The following AGPAT3 variants were observed in gnomAD, a reference collection of about 807,000 sequenced individuals.
The protein encoded by AGPAT3 is 1-acylglycerol-3-phosphate O-acyltransferase 3, also known as 1-acyl-sn-glycerol-3-phosphate acyltransferase gamma.
A neutral mutation model predicts 47.3 loss-of-function variants in AGPAT3; 5 were observed. The ratio of observed to expected loss-of-function variants is 0.11; its 90% CI spans 0.06 to 0.22. The LOEUF (loss-of-function observed/expected upper bound fraction) is 0.22. Among genes scored for constraint, AGPAT3 ranks in the 10% least tolerant of loss-of-function variants. The pLI is 1.00. For missense variants in AGPAT3, 315 were observed against 493.0 expected, an observed-to-expected ratio of 0.64 and a Z score of 3.42; for synonymous variants, 212 against 208.3, an observed-to-expected ratio of 1.02 and a Z score of -0.15.
intron 3 of AGPAT3, among the ~76,000 whole-genome samples, chr21:43,960,281 G>A (rs1454822483): frequency 2.0e-5 from 3 of 152,228 alleles, no homozygotes; most frequent in Admixed American, 2.0e-4. Context: ...CTGCCTCCCT[G>A]CGTATCAAAC....
At chr21:43,878,786 G>T (rs185935725) in intron 1 of AGPAT3, among the ~76,000 whole-genome samples, 17 of 150,872 alleles carry the variant, frequency 1.1e-4, no homozygotes, top group Admixed American at 2.6e-4. Flanking sequence ...CCAGACGGGA[G>T]TGCAGTGGTG....
At chr21:43,974,494 GGT>G (rs367745751) in intron 7 of AGPAT3, among the ~76,000 whole-genome samples, 290 of 151,302 alleles carry the variant, frequency 1.9e-3, no homozygotes, top group African/African-American at 5.2e-3. Flanking sequence ...GGGTGGGTTT[GGT>G]GTGTGGGGTA....
chr21:43,893,232 T>G (rs2086139450), intron 1 of AGPAT3, among the ~76,000 whole-genome samples: 1 of 152,244 alleles, frequency 6.6e-6, no homozygotes, highest in Non-Finnish European at 1.5e-5. Flanking sequence ...AGATGTGGCT[T>G]CTTTTCTTAA....
At chr21:43,953,405 C>T (rs1601406628) in intron 2 of AGPAT3, among the ~76,000 whole-genome samples, 2 of 152,278 alleles carry the variant, frequency 1.3e-5, no homozygotes, top group East Asian at 1.9e-4. Context: ...GAGATGTGGA[C>T]GGACATGGAG....
At chr21:43,975,707 T>G (rs1003713556) in intron 7 of AGPAT3, among the ~76,000 whole-genome samples, 1 of 152,250 alleles carries the variant, frequency 6.6e-6, no homozygotes, top group Non-Finnish European at 1.5e-5. Flanking sequence ...TTCCTACCTG[T>G]GTATCTTAAT....
chr21:43,905,835 C>T (rs1167514795), intron 2 of AGPAT3, among the ~76,000 whole-genome samples: 1 of 152,344 alleles, frequency 6.6e-6, no homozygotes, highest in East Asian at 1.9e-4. Context: ...GGGCATGGGG[C>T]TTCTGCAGTC....
At chr21:43,927,608 ACCT>A (rs1300452064) in intron 2 of AGPAT3, among the ~76,000 whole-genome samples, 1 of 152,116 alleles carries the variant, frequency 6.6e-6, no homozygotes, top group African/African-American at 2.4e-5. Context: ...CTGATGGGAA[ACCT>A]CCTTTCCAGT....
intron 1 of AGPAT3, among the ~76,000 whole-genome samples, chr21:43,902,535 G>A (rs2086382623): frequency 6.6e-6 from 1 of 152,364 alleles, no homozygotes; most frequent in Admixed American, 6.5e-5. Flanking sequence ...TTGGTGGCTG[G>A]TGAGGGCCTC....
chr21:43,868,470 C>T (rs1016012703), intron 1 of AGPAT3, among the ~76,000 whole-genome samples: 1 of 152,054 alleles, frequency 6.6e-6, no homozygotes, highest in Non-Finnish European at 1.5e-5. Flanking sequence ...AGGCCTGTCC[C>T]CAGTGACTGG....
In AGPAT3 at chr21:43,895,789, C is replaced by G. The variant is rs189338514; in HGVS notation, c.-111-8168C>G. ...TTGTTTTTCGTGGGTTTTTTTGAGA[C>G]AGAGTCTCGCTCTGTTGCCTAGGCC... On this transcript the variant is annotated intron_variant, in intron 1 of 9. Coordinates refer to ENST00000291572, the MANE Select transcript of AGPAT3 (RefSeq NM_020132.5). Among the ~76,000 whole-genome samples, 809 of 151,948 alleles carry G rather than the reference C, an allele frequency of 5.3e-3. 6 individuals carry two copies. Among genetic ancestry groups the G allele is most frequent in the African/African-American group, 0.018 (757 of 41,428 alleles).
intron 1 of AGPAT3, among the ~76,000 whole-genome samples, chr21:43,865,682 C>T (rs1426854199): frequency 6.6e-6 from 1 of 150,902 alleles, no homozygotes; most frequent in African/African-American, 2.4e-5. Context: ...GTTCGGGGCG[C>T]CCGGGAGGGG....
At chr21:43,925,751 G>A (rs1249073418) in intron 2 of AGPAT3, among the ~76,000 whole-genome samples, 1 of 152,268 alleles carries the variant, frequency 6.6e-6, no homozygotes, top group Non-Finnish European at 1.5e-5. Flanking sequence ...TGACATTCAT[G>A]CATCTGGCCT....
At chr21:43,968,433 A>C (rs1250434236) in intron 4 of AGPAT3, among the ~76,000 whole-genome samples, 2 of 150,164 alleles carry the variant, frequency 1.3e-5, no homozygotes, top group Non-Finnish European at 3.0e-5. Flanking sequence ...TGGGGTGAGC[A>C]AGAGGGCCCT....
chr21:43,869,417 T>C (rs2085576392), intron 1 of AGPAT3, among the ~76,000 whole-genome samples: 1 of 152,244 alleles, frequency 6.6e-6, no homozygotes, highest in Non-Finnish European at 1.5e-5. Flanking sequence ...TGTTATACTT[T>C]GTAAAATATG....
In AGPAT3 at chr21:43,922,789, T is replaced by A. The variant is rs2086930245; in HGVS notation, c.-49+18770T>A. Among the ~76,000 whole-genome samples, 1 of 152,096 alleles carries A rather than the reference T, an allele frequency of 6.6e-6. No individual in the cohort carries two copies. Among genetic ancestry groups the A allele is most frequent in the Non-Finnish European group, 1.5e-5 (1 of 68,000 alleles). ...CAGGGGCTGTGGCTCAGGAGCCACG[T>A]GCCAGGCAGGTCACTCCGTCAGCAT... On this transcript the variant is annotated intron_variant, in intron 2 of 9. Transcript: ENST00000291572. The surrounding 1 kb of genome is among the most constrained non-coding windows in gnomAD (Gnocchi z 4.9).
Position 43,934,882 on chromosome 21 carries a change from C to T in AGPAT3, c.-48-24752C>T, listed in dbSNP as rs1008102359. ...TCACATGCCATTGACACGCCACCCACGCCACTCACATGCCACCCATGCCAC... is the reference window on the plus strand; with the variant it reads ...TCACATGCCATTGACACGCCACCCATGCCACTCACATGCCACCCATGCCAC... On this transcript the variant is annotated intron_variant, in intron 2 of 9. Coordinates refer to ENST00000291572, the MANE Select transcript of AGPAT3 (RefSeq NM_020132.5). This position sits in a 1 kb window ranked among gnomAD's most constrained non-coding sequence, Gnocchi z 4.7. Among the ~76,000 whole-genome samples, 30 of 151,452 alleles carry T rather than the reference C, an allele frequency of 2.0e-4. 1 individual carries two copies. Among genetic ancestry groups the T allele is most frequent in the African/African-American group, 3.4e-4 (14 of 41,158 alleles).
chr21:43,907,029 C>CTTT (rs760824887), intron 2 of AGPAT3, among the ~76,000 whole-genome samples: 4 of 128,814 alleles, frequency 3.1e-5, no homozygotes, highest in Non-Finnish European at 4.9e-5. Flanking sequence ...TCTTTTCTTT[C>CTTT]TTTTTTTTTT....
intron 1 of AGPAT3, among the ~76,000 whole-genome samples, chr21:43,901,885 C>A (rs1185888237): frequency 6.6e-6 from 1 of 152,138 alleles, no homozygotes; most frequent in Non-Finnish European, 1.5e-5. Context: ...AGACACAGCA[C>A]TTTGTAAAAT....
intron 1 of AGPAT3, among the ~76,000 whole-genome samples, chr21:43,886,219 T>G (rs8131889): frequency 0.28 from 42,584 of 151,906 alleles, 7,320 homozygotes; most frequent in East Asian, 0.53. Context: ...TGCTGTGCTA[T>G]CAAATATTAG....
Sources: gnomAD v4.1 joint callset for allele counts (sites outside exome capture counted in the v4.1 genomes callset) on GRCh38, gnomAD v4.1.1 for gene constraint, Gnocchi (gnomAD v3.1) non-coding constraint, MANE v1.5 for transcripts, NCBI Gene and HGNC (gene_info 2026-07-23, HGNC 2026-07-21) for gene names.